The following SLC25A21 variants were observed in gnomAD, a reference collection of about 807,000 sequenced individuals.
SLC25A21 encodes mitochondrial 2-oxodicarboxylate carrier.
SLC25A21 carries 47 observed loss-of-function variants against 43.8 expected under a neutral mutation model. That is an observed-to-expected ratio of 1.07 (90% CI 0.85 to 1.37). The LOEUF is 1.37. SLC25A21 is among the 40% of genes most tolerant of loss of function. The pLI, the probability that SLC25A21 is intolerant of heterozygous loss-of-function variation, is 0.00. For missense variants in SLC25A21, 352 were observed against 350.2 expected, an observed-to-expected ratio of 1.00 and a Z score of -0.04; for synonymous variants, 131 against 121.3, an observed-to-expected ratio of 1.08 and a Z score of -0.52.
At chr14:36,801,864 C>T (rs1208821286) in intron 3 of SLC25A21, among the ~76,000 whole-genome samples, 3 of 152,154 alleles carry the variant, frequency 2.0e-5, no homozygotes, top group Non-Finnish European at 4.4e-5. Flanking sequence ...GTAGTGAAGA[C>T]AGAACACATT....
At chr14:36,832,733 C>T (rs1339529156) in intron 2 of SLC25A21, among the ~76,000 whole-genome samples, 1 of 152,120 alleles carries the variant, frequency 6.6e-6, no homozygotes, top group Non-Finnish European at 1.5e-5. Context: ...AGCTTTATGC[C>T]TTTTTAAGAT....
At chr14:37,093,754 T>C (rs1021225227) in intron 1 of SLC25A21, among the ~76,000 whole-genome samples, 1 of 152,210 alleles carries the variant, frequency 6.6e-6, no homozygotes, top group Non-Finnish European at 1.5e-5. Context: ...GAAAAATTAA[T>C]GATTTCTTTA....
chr14:37,091,078 A>T (rs1962575955), intron 1 of SLC25A21, among the ~76,000 whole-genome samples: 2 of 152,212 alleles, frequency 1.3e-5, no homozygotes, highest in South Asian at 4.1e-4. Flanking sequence ...ACTATAACTC[A>T]AGCCTGAACA....
intron 1 of SLC25A21, among the ~76,000 whole-genome samples, chr14:37,057,349 T>C (rs1473418005): frequency 6.6e-6 from 1 of 152,226 alleles, no homozygotes; most frequent in Non-Finnish European, 1.5e-5. Flanking sequence ...AGTATATTTT[T>C]CCTCTGGCCA....
At chr14:36,985,514 T>C (rs969930254) in intron 1 of SLC25A21, among the ~76,000 whole-genome samples, 1 of 152,182 alleles carries the variant, frequency 6.6e-6, no homozygotes, top group African/African-American at 2.4e-5. Context: ...CCTTTCTTTA[T>C]CTTATTTTTT....
intron 1 of SLC25A21, among the ~76,000 whole-genome samples, chr14:37,085,612 T>C (rs1962469381): frequency 2.0e-5 from 3 of 152,312 alleles, no homozygotes; most frequent in African/African-American, 7.2e-5. Context: ...TCTCTTTGTC[T>C]AGGAGTTTGA....
chr14:36,875,657 A>T (rs1311924632), intron 1 of SLC25A21, among the ~76,000 whole-genome samples: 2 of 152,190 alleles, frequency 1.3e-5, no homozygotes, highest in Non-Finnish European at 2.9e-5. Flanking sequence ...ACAAATGAGA[A>T]AATTGAAGCA....
At chr14:36,744,417 G>A (rs946885832) in intron 3 of SLC25A21, among the ~76,000 whole-genome samples, 9 of 152,036 alleles carry the variant, frequency 5.9e-5, no homozygotes, top group African/African-American at 1.9e-4. Context: ...TGACAAAGTT[G>A]ACAAAAATAT....
At chr14:37,005,401 T>C (rs914913630) in intron 1 of SLC25A21, among the ~76,000 whole-genome samples, 3 of 152,186 alleles carry the variant, frequency 2.0e-5, no homozygotes, top group African/African-American at 4.8e-5. Flanking sequence ...GTTTCCCTTA[T>C]TGATTCCCTC....
intron 1 of SLC25A21, among the ~76,000 whole-genome samples, chr14:37,091,114 T>C (rs1447629694): frequency 6.6e-6 from 1 of 152,150 alleles, no homozygotes; most frequent in Admixed American, 6.5e-5. Context: ...ACAGATTTTC[T>C]CATAAGGCGC....
intron 1 of SLC25A21, among the ~76,000 whole-genome samples, chr14:37,137,836 G>A (rs1416908946): frequency 3.3e-5 from 5 of 152,110 alleles, no homozygotes; most frequent in Non-Finnish European, 7.4e-5. Context: ...ATGTCTGTAT[G>A]TCAATGAATT....
chr14:36,695,602 A>G (rs1190416153), intron 7 of SLC25A21, among the ~76,000 whole-genome samples: 4 of 152,136 alleles, frequency 2.6e-5, no homozygotes, highest in African/African-American at 9.7e-5. Context: ...AGTGGTTTGT[A>G]GTTCTCCTTG....
At chr14:36,755,724 A>AT (rs1885902708) in intron 3 of SLC25A21, among the ~76,000 whole-genome samples, 1 of 152,244 alleles carries the variant, frequency 6.6e-6, no homozygotes, top group African/African-American at 2.4e-5. Context: ...AAGAGGAATC[A>AT]AAAACAGATT....
rs540035397 is a variant in SLC25A21, at chr14:36,852,616, T to G, written c.119+22340A>C. ...ATTATAAAAGGTTAGAAAAATGAAG[T>G]GTACCTTCATGTAATCAAAAATTCT... On this transcript the variant is annotated intron_variant, in intron 2 of 9. Coordinates refer to ENST00000331299, the MANE Select transcript of SLC25A21 (RefSeq NM_030631.4). Among the ~76,000 whole-genome samples the G allele has an allele frequency of 3.9e-5, 6 of 152,264 alleles. No individual in the cohort carries two copies. The South Asian group carries it at 1.2e-3, about 32-fold the overall frequency.
At position 37,086,522 on chromosome 14, in the gene SLC25A21, T is replaced by C. The variant is rs569688284; in HGVS notation, c.70+85759A>G. 3.3e-5 allele frequency among the ~76,000 whole-genome samples: 5 copies of C among 152,296 alleles called. No homozygotes were observed. In the South Asian group the frequency reaches 1.0e-3, roughly 32 times the overall value. On this transcript the variant is annotated intron_variant, in intron 1 of 9. Coordinates refer to ENST00000331299, the MANE Select transcript of SLC25A21 (RefSeq NM_030631.4). ...AATGCAGTAAATTTAGGTGTTTGTATAAGGATCCTCAACTACTTAACCAAA... is the reference window on the plus strand; with the variant it reads ...AATGCAGTAAATTTAGGTGTTTGTACAAGGATCCTCAACTACTTAACCAAA...
intron 1 of SLC25A21, among the ~76,000 whole-genome samples, chr14:36,876,346 A>G (rs1249539429): frequency 2.0e-5 from 3 of 152,132 alleles, no homozygotes; most frequent in African/African-American, 7.2e-5. Flanking sequence ...GCAAAGTCCT[A>G]TGTATTGACC....
intron 2 of SLC25A21, among the ~76,000 whole-genome samples, chr14:36,834,372 G>A (rs1275683960): frequency 6.6e-6 from 1 of 152,174 alleles, no homozygotes; most frequent in Non-Finnish European, 1.5e-5. Context: ...ACAGACCTGG[G>A]TTCAAATCCT....
chr14:37,089,190 G>T (rs547183294), intron 1 of SLC25A21, among the ~76,000 whole-genome samples: 1 of 151,948 alleles, frequency 6.6e-6, no homozygotes, highest in African/African-American at 2.4e-5. Flanking sequence ...CTCCAATGAG[G>T]ATTAAAAGGT....
chr14:37,031,634 A>G (rs950360250), intron 1 of SLC25A21, among the ~76,000 whole-genome samples: 4 of 152,228 alleles, frequency 2.6e-5, no homozygotes, highest in African/African-American at 9.6e-5. Flanking sequence ...ATCGAAAGCT[A>G]GGGCCTTTAC....
Sources: allele counts gnomAD v4.1 joint callset (sites outside exome capture counted in the v4.1 genomes callset), GRCh38; gene constraint gnomAD v4.1.1; transcripts MANE v1.5; gene names NCBI Gene and HGNC (gene_info 2026-07-23, HGNC 2026-07-21).